Variants in ZNF8 observed in about 807,000 individuals in gnomAD.
The protein encoded by ZNF8 is zinc finger protein 8, also known as zinc finger protein 272.
ZNF8 carries 9 observed loss-of-function variants against 12.2 expected under a neutral mutation model. The ratio of observed to expected loss-of-function variants is 0.73; its 90% CI spans 0.44 to 1.28. ZNF8 has a LOEUF of 1.28. ZNF8 is among the 50% of genes most tolerant of loss of function. ZNF8 has a pLI of 0.00. For missense variants in ZNF8, 664 were observed against 729.1 expected (o/e 0.91, Z 1.03); for synonymous variants, 274 against 282.3 (o/e 0.97, Z 0.30).
intron 1 of ZNF8, among the ~76,000 whole-genome samples, chr19:58,284,672 A>T (rs2051371923): frequency 6.6e-6 from 1 of 152,050 alleles, no homozygotes; most frequent in South Asian, 2.1e-4. Flanking sequence ...AACATGGTAA[A>T]ACCCCATCTC....
In ZNF8 at chr19:58,285,701, G is replaced by C; in HGVS notation, c.67-16G>C. On this transcript the variant is annotated splice_polypyrimidine_tract_variant and intron_variant, in intron 1 of 3. Transcript: ENST00000621650. ...GGAGATAGTCCAGCTGATTGAGAAT[G>C]TGTGTGATGTTTCAGGAACCAGTGA... 1.2e-6 allele frequency: 2 copies of C among 1,614,190 alleles called. No homozygotes were observed. The highest frequency in any genetic ancestry group is 1.7e-6 in the Non-Finnish European group (2 of 1,180,034).
rs529426677 is a variant in ZNF8 at position 58,295,820 on chromosome 19, G to A, written c.*284G>A. 12 of 352,500 alleles carry A rather than the reference G, an allele frequency of 3.4e-5. No homozygotes were observed. The highest frequency in any genetic ancestry group is 4.6e-5 in the Non-Finnish European group (9 of 195,434). 21.8% of individuals were successfully genotyped at this position (352,500 alleles called of 1,614,324 possible). A position where few individuals can be genotyped will look rare whatever the true frequency, so the allele number is the denominator to read the frequency against. On this transcript the variant is annotated 3_prime_UTR_variant, in exon 4 of 4. Coordinates refer to ENST00000621650, the MANE Select transcript of ZNF8 (RefSeq NM_021089.3). ...GTAATGTCAAAAAAAATCAATATGC[G>A]GCCCCATTTTGTAAAGGATCATTAA...
Position 58,295,220 on chromosome 19 carries a change from A to C in ZNF8, c.1412A>C (p.Gln471Pro), listed in dbSNP as rs951315930. The change falls in exon 4 of 4, where the codon CAG becomes CCG. Residue 471 changes from glutamine (Q) to proline (P), a missense_variant. Around this residue, in one of 3 missense-constraint regions of ZNF8, gnomAD observed 225 missense variants for 222.0 expected, o/e 1.01. Coordinates refer to ENST00000621650, the MANE Select transcript of ZNF8 (RefSeq NM_021089.3). Reference protein sequence around the residue: ...HRSDRPFKCNQCGKCFIQSSH... With the variant: ...HRSDRPFKCNPCGKCFIQSSH... Reference sequence around the variant, plus strand: ...AGCGACAGACCCTTCAAATGTAATCAGTGTGGGAAGTGTTTCATTCAGAGC... The same window carrying C: ...AGCGACAGACCCTTCAAATGTAATCCGTGTGGGAAGTGTTTCATTCAGAGC... The C allele has an allele frequency of 6.2e-7, 1 of 1,614,126 alleles. No individual in the cohort carries two copies. Among genetic ancestry groups the C allele is most frequent in the Non-Finnish European group, 8.5e-7 (1 of 1,180,056 alleles).
rs549753275 is a variant in ZNF8 at position 58,295,679 on chromosome 19, C to T, written c.*143C>T. ...AAGGAAATGATGCTTCCCAAGCACC[C>T]GAGGTTGGTTGGTCCCAAATCTATC... On this transcript the variant is annotated 3_prime_UTR_variant, in exon 4 of 4. Coordinates refer to ENST00000621650, the MANE Select transcript of ZNF8 (RefSeq NM_021089.3). 1.3e-5 allele frequency: 10 copies of T among 760,386 alleles called. No individual in the cohort carries two copies. The highest frequency in any genetic ancestry group is 7.7e-5 in the South Asian group (4 of 52,138). The allele number at this position is 760,386 out of a possible 1,614,324, so 47.1% of individuals were successfully genotyped here.
chr19:58,295,816 A>C lies in ZNF8; in HGVS notation c.*280A>C. On this transcript the variant is annotated 3_prime_UTR_variant, in exon 4 of 4. Coordinates refer to ENST00000621650, the MANE Select transcript of ZNF8 (RefSeq NM_021089.3). ...CTGTGTAATGTCAAAAAAAATCAATATGCGGCCCCATTTTGTAAAGGATCA... is the reference window on the plus strand; with the variant it reads ...CTGTGTAATGTCAAAAAAAATCAATCTGCGGCCCCATTTTGTAAAGGATCA... The C allele has an allele frequency of 8.4e-6, 3 of 355,850 alleles. No individual in the cohort carries two copies. Among genetic ancestry groups the C allele is most frequent in the Non-Finnish European group, 1.5e-5 (3 of 197,240 alleles). 22.0% of individuals were successfully genotyped at this position (355,850 alleles called of 1,614,324 possible).
chr19:58,285,961 G>A, intron 2 of ZNF8, 118 bp downstream of exon 2: 2 of 1,461,578 alleles, frequency 1.4e-6, no homozygotes, highest in East Asian at 2.3e-5. Flanking sequence ...CATGAAGAGG[G>A]AGGTCTGCCC....
chr19:58,289,388 C>T (rs1013721347), intron 3 of ZNF8, among the ~76,000 whole-genome samples: 12 of 151,584 alleles, frequency 7.9e-5, no homozygotes, highest in African/African-American at 2.9e-4. Context: ...CCCAGCTACT[C>T]AGGAGGCTGA....
At position 58,295,237 on chromosome 19, in the gene ZNF8, A is replaced by G; in HGVS notation, c.1429A>G (p.Ile477Val). The G allele has an allele frequency of 6.2e-7, 1 of 1,614,226 alleles. No homozygotes were observed. The highest frequency in any genetic ancestry group is 1.3e-5 in the African/African-American group (1 of 75,064). Residue 477 changes from isoleucine to valine, a missense_variant, in exon 4 of 4, where the codon ATT (isoleucine) becomes GTT (valine). Ile to Val is a conservative substitution (Grantham distance 29). This residue lies in a region of ZNF8 where 225 missense variants were observed against 222.0 expected (regional missense o/e 1.01). Coordinates refer to ENST00000621650, the MANE Select transcript of ZNF8 (RefSeq NM_021089.3). ...ATGTAATCAGTGTGGGAAGTGTTTC[A>G]TTCAGAGCTCTCACCTCATCCGGCA... ...FKCNQCGKCF[I>V]QSSHLIRHQI...
At position 58,294,821 on chromosome 19, in the gene ZNF8, A is replaced by G; in HGVS notation, c.1013A>G (p.Glu338Gly). Residue 338 changes from glutamate to glycine, a missense_variant, in exon 4 of 4, where the codon GAG becomes GGG. Physicochemically the swap from Glu to Gly is moderately conservative, Grantham distance 98 (BLOSUM62 -2). Coordinates refer to ENST00000621650, the MANE Select transcript of ZNF8 (RefSeq NM_021089.3). The surrounding 1 kb of genome is among the most constrained non-coding windows in gnomAD (Gnocchi z 5.5). ...GTCCATCGGAGGATTCACACTGGGG[A>G]GAAGCCCTATGAGTGTCAGGACTGT... ...LTVHRRIHTG[E>G]KPYECQDCGR... 6.2e-7 allele frequency: 1 copy of G among 1,614,178 alleles called. No individual in the cohort carries two copies. The highest frequency in any genetic ancestry group is 1.1e-5 in the South Asian group (1 of 91,086).
At chr19:58,285,541 A>T (rs1600454071) in intron 1 of ZNF8, among the ~76,000 whole-genome samples, 176 bp from the exon 2 acceptor site, 1 of 152,036 alleles carries the variant, frequency 6.6e-6, no homozygotes, top group East Asian at 1.9e-4. Context: ...TCACTGTACA[A>T]CCCACACCTA....
chr19:58,294,537 A>T lies in ZNF8; in HGVS notation c.729A>T (p.Pro243=). ...ACAGAGATTCCAGTCAGGCCATTCC[A>T]ATTACGGAACTCACAAAAAGCCAGG... ...DCHRDSSQAI[P]ITELTKSQVQ... Residue 243 remains proline (P), a synonymous_variant, in exon 4 of 4, where the codon CCA becomes CCT. Coordinates refer to ENST00000621650, the MANE Select transcript of ZNF8 (RefSeq NM_021089.3). The surrounding 1 kb of genome is among the most constrained non-coding windows in gnomAD (Gnocchi z 5.5). 6.2e-7 allele frequency: 1 copy of T among 1,614,202 alleles called. No homozygotes were observed. The highest frequency in any genetic ancestry group is 1.1e-5 in the South Asian group (1 of 91,082).
intron 1 of ZNF8, chr19:58,279,847 C>A (rs260500): frequency 0.65 from 875,406 of 1,341,850 alleles, 287,172 homozygotes; most frequent in Middle Eastern, 0.74. Flanking sequence ...CAATAATTAT[C>A]CTTCCTCAAG....
chr19:58,281,322 A>C (rs533590293), intron 1 of ZNF8, among the ~76,000 whole-genome samples: 19 of 152,294 alleles, frequency 1.2e-4, no homozygotes, highest in Admixed American at 7.9e-4. Flanking sequence ...GGTGAAAAGA[A>C]TATGTAAAGG....
rs1361409477 is a variant in ZNF8 at position 58,295,029 on chromosome 19, G to A, written c.1221G>A (p.Arg407=). The A allele has an allele frequency of 6.2e-7, 1 of 1,613,918 alleles. No homozygotes were observed. Among genetic ancestry groups the A allele is most frequent in the East Asian group, 2.2e-5 (1 of 44,902 alleles). Residue 407 remains arginine, a synonymous_variant, in exon 4 of 4, where the codon AGG becomes AGA. Transcript: ENST00000621650. The stretch of plus-strand genomic sequence containing the variant: ...GTAACCACTGCGGGAAGGGCTTCAG[G>A]CACAGCTCATCCCTGGCCCAGCACC... ...YECNHCGKGF[R]HSSSLAQHQR... is the part of the protein sequence containing the mutation.
Position 58,297,262 on chromosome 19 carries a change from T to G in ZNF8, c.*1726T>G, listed in dbSNP as rs2051461490. The G allele has an allele frequency of 6.6e-6, 1 of 151,954 alleles. No homozygotes were observed. Among genetic ancestry groups the G allele is most frequent in the South Asian group, 2.1e-4 (1 of 4,812 alleles). 9.4% of individuals were successfully genotyped at this position (151,954 alleles called of 1,614,324 possible). Reference sequence around the variant, plus strand: ...AAAAAAAAGAAAAGAAAAAAAACCTTCAAATTGATTAATCAGGGCTGGACT... The same window carrying G: ...AAAAAAAAGAAAAGAAAAAAAACCTGCAAATTGATTAATCAGGGCTGGACT... On this transcript the variant is annotated 3_prime_UTR_variant, in exon 4 of 4. Transcript: ENST00000621650.
At chr19:58,289,577 A>G (rs1319152213) in intron 3 of ZNF8, among the ~76,000 whole-genome samples, 3 of 151,538 alleles carry the variant, frequency 2.0e-5, no homozygotes, top group South Asian at 2.1e-4. Flanking sequence ...CATCAGGGCT[A>G]GTTCCTCTGA....
chr19:58,283,227 C>T (rs1217011351), intron 1 of ZNF8, among the ~76,000 whole-genome samples: 2 of 152,126 alleles, frequency 1.3e-5, no homozygotes, highest in Non-Finnish European at 2.9e-5. Context: ...CTGCCTCAGC[C>T]TCACAAAGTG....
In ZNF8 at chr19:58,301,649, AG is replaced by A. The variant is rs1422098975; in HGVS notation, c.*6117del. On this transcript the variant is annotated 3_prime_UTR_variant, in exon 4 of 4. Transcript: ENST00000621650. ...TGGCCCCCAAAATGGCCAGTCCTGA[AG>A]GGGTCACAGTTGATACTTCTCTGAG... The A allele has an allele frequency of 1.3e-5, 2 of 152,450 alleles. No homozygotes were observed. Among genetic ancestry groups the A allele is most frequent in the Non-Finnish European group, 2.9e-5 (2 of 68,264 alleles). 9.4% of individuals were successfully genotyped at this position (152,450 alleles called of 1,614,324 possible). A position where few individuals can be genotyped will look rare whatever the true frequency, so the allele number is the denominator to read the frequency against.
chr19:58,279,718 A>G, intron 1 of ZNF8: 1 of 1,523,204 alleles, frequency 6.6e-7, no homozygotes, highest in Non-Finnish European at 8.8e-7. Flanking sequence ...ACTGTGGGAG[A>G]ACTGCAGTGC....
Sources: gnomAD v4.1 joint callset for allele counts (sites outside exome capture counted in the v4.1 genomes callset) on GRCh38, gnomAD v4.1.1 for gene constraint, gnomAD v4.1.1 regional missense constraint, Gnocchi (gnomAD v3.1) non-coding constraint, MANE v1.5 for transcripts, NCBI Gene and HGNC (gene_info 2026-07-23, HGNC 2026-07-21) for gene names.